The following TMC1 variants were observed in gnomAD, a reference collection of about 807,000 sequenced individuals.
The protein encoded by TMC1 is transmembrane channel-like protein 1.
TMC1 carries 84 observed loss-of-function variants against 105.8 expected under a neutral mutation model. That is an observed-to-expected ratio of 0.79 (90% CI 0.67 to 0.95). TMC1 has a LOEUF of 0.95. Ranked by LOEUF, TMC1 falls within the 40% of genes least tolerant of loss-of-function variation. The pLI, the probability that TMC1 is intolerant of heterozygous loss-of-function variation, is 0.00. For missense variants in TMC1, 817 were observed against 914.1 expected, an observed-to-expected ratio of 0.89 and a Z score of 1.37; for synonymous variants, 315 against 311.5, an observed-to-expected ratio of 1.01 and a Z score of -0.12.
At chr9:72,786,381 T>A (rs1248354201) in intron 13 of TMC1, among the ~76,000 whole-genome samples, 2 of 152,130 alleles carry the variant, frequency 1.3e-5, no homozygotes, top group East Asian at 3.9e-4. Context: ...GAGGCGGAGC[T>A]TGCATTGAGC....
chr9:72,817,716 G>C (rs1473106866), intron 19 of TMC1, among the ~76,000 whole-genome samples: 1 of 152,130 alleles, frequency 6.6e-6, no homozygotes, highest in Non-Finnish European at 1.5e-5. Flanking sequence ...TGGCTGTCCT[G>C]CTTGGTTTCA....
At chr9:72,753,418 C>T (rs1827616782) in intron 11 of TMC1, among the ~76,000 whole-genome samples, 1 of 146,354 alleles carries the variant, frequency 6.8e-6, no homozygotes, top group African/African-American at 2.5e-5. Flanking sequence ...AGCATTTATT[C>T]TTTCCCCCAC....
intron 3 of TMC1, among the ~76,000 whole-genome samples, chr9:72,626,009 G>C (rs542606896): frequency 1.3e-5 from 2 of 152,320 alleles, no homozygotes; most frequent in South Asian, 4.1e-4. Flanking sequence ...CATGTAAGGA[G>C]TGTGGCTACC....
chr9:72,685,821 A>G (rs1826371586), intron 5 of TMC1, among the ~76,000 whole-genome samples: 1 of 152,192 alleles, frequency 6.6e-6, no homozygotes, highest in African/African-American at 2.4e-5. Flanking sequence ...AGTTTCCAAA[A>G]TAATAACCTG....
rs1041506834 is a variant in TMC1, at chr9:72,838,130, C to G, written c.*2157C>G. 9 of 152,180 alleles carry G rather than the reference C, an allele frequency of 5.9e-5. No individual in the cohort carries two copies. The South Asian group carries it at 8.3e-4, about 14-fold the overall frequency. 9.4% of individuals were successfully genotyped at this position (152,180 alleles called of 1,614,324 possible). A position where few individuals can be genotyped will look rare whatever the true frequency, so the allele number is the denominator to read the frequency against. ...TAAATGCTTGCTAATTAAATTGAAT[C>G]AATTTAACTTACAGCAATTGTGTTA... On this transcript the variant is annotated 3_prime_UTR_variant, in exon 24 of 24. Transcript: ENST00000297784.
intron 10 of TMC1, among the ~76,000 whole-genome samples, chr9:72,745,996 C>T (rs1382039509): frequency 2.0e-5 from 3 of 152,146 alleles, no homozygotes; most frequent in African/African-American, 7.2e-5. Context: ...ATTAATCATA[C>T]TTTTGATTGA....
intron 1 of TMC1, among the ~76,000 whole-genome samples, chr9:72,540,227 C>T (rs915590574): frequency 6.6e-6 from 1 of 152,184 alleles, no homozygotes; most frequent in Admixed American, 6.5e-5. Flanking sequence ...ATCCAAAGTA[C>T]AGCACCTTGT....
chr9:72,576,732 C>T (rs1351344370), intron 1 of TMC1, among the ~76,000 whole-genome samples: 1 of 150,968 alleles, frequency 6.6e-6, no homozygotes, highest in Non-Finnish European at 1.5e-5. Context: ...CAACTTCAAG[C>T]GATTCTCCTG....
chr9:72,761,627 C>T (rs886072307), intron 12 of TMC1, among the ~76,000 whole-genome samples: 1 of 152,146 alleles, frequency 6.6e-6, no homozygotes, highest in Non-Finnish European at 1.5e-5. Context: ...AATATATCAT[C>T]CCAGATTATT....
intron 21 of TMC1, 135 bp downstream of exon 21, chr9:72,827,129 T>C: frequency 8.4e-7 from 1 of 1,196,286 alleles, no homozygotes; most frequent in South Asian, 1.2e-5. Context: ...ACTGATTACA[T>C]GGTGGTGAGA....
intron 2 of TMC1, among the ~76,000 whole-genome samples, chr9:72,604,467 T>C (rs1304190477): frequency 6.6e-6 from 1 of 152,228 alleles, no homozygotes; most frequent in African/African-American, 2.4e-5. Context: ...ATCTTCACAT[T>C]TCTACAATCT....
intron 20 of TMC1, among the ~76,000 whole-genome samples, chr9:72,825,359 T>G (rs1027857269): frequency 6.6e-6 from 1 of 152,224 alleles, no homozygotes; most frequent in Non-Finnish European, 1.5e-5. Context: ...CTGAGAATAT[T>G]GTATGATAGC....
intron 8 of TMC1, among the ~76,000 whole-genome samples, chr9:72,715,096 T>C (rs2117923926): frequency 6.6e-6 from 1 of 151,896 alleles, no homozygotes; most frequent in South Asian, 2.1e-4. Context: ...ATTGGCACTG[T>C]CTTCTGGCTT....
chr9:72,576,618 C>CT (rs71357588), intron 1 of TMC1, among the ~76,000 whole-genome samples: 54,351 of 135,068 alleles, frequency 0.4, 12,132 homozygotes, highest in African/African-American at 0.62. Context: ...CTCCCAATTT[C>CT]TTTTTTTTTT....
At chr9:72,653,411 G>A (rs1447416166) in intron 5 of TMC1, among the ~76,000 whole-genome samples, 1 of 152,176 alleles carries the variant, frequency 6.6e-6, no homozygotes, top group East Asian at 1.9e-4. Flanking sequence ...AGTAATGACT[G>A]ATGGACATCA....
At chr9:72,597,742 G>A (rs567524779) in intron 2 of TMC1, among the ~76,000 whole-genome samples, 7 of 152,188 alleles carry the variant, frequency 4.6e-5, no homozygotes, top group South Asian at 2.1e-4. Flanking sequence ...AATAACAACC[G>A]CGTACTAATA....
intron 1 of TMC1, among the ~76,000 whole-genome samples, chr9:72,543,465 A>G (rs1470376104): frequency 1.3e-5 from 2 of 152,190 alleles, no homozygotes; most frequent in Non-Finnish European, 2.9e-5. Context: ...ATTTTCTGCA[A>G]TGCAGCCAGA....
intron 12 of TMC1, among the ~76,000 whole-genome samples, chr9:72,764,797 TGG>T (rs1310944775): frequency 6.6e-6 from 1 of 152,146 alleles, no homozygotes; most frequent in East Asian, 1.9e-4. Flanking sequence ...AGTCAGATGT[TGG>T]GAATACAAAG....
chr9:72,535,055 A>AG lies in TMC1; in HGVS notation c.-428+13142_-428+13143insG, dbSNP rs968455682. On this transcript the variant is annotated intron_variant, in intron 1 of 23. Coordinates refer to ENST00000297784, the MANE Select transcript of TMC1 (RefSeq NM_138691.3). ...ATTCATGGATCTCTTAGAGAGAGAG[A>AG]AAAAAAAAAAGCTAGTTGGGTGTGT... Among the ~76,000 whole-genome samples the AG allele has an allele frequency of 1.5e-4, 7 of 45,526 alleles. No individual in the cohort carries two copies. In the South Asian group the frequency reaches 3.4e-3, roughly 22 times the overall value. 29.9% of individuals were successfully genotyped at this position (45,526 alleles called of 152,430 possible). A position where few individuals can be genotyped will look rare whatever the true frequency, so the allele number is the denominator to read the frequency against.
Sources: allele counts gnomAD v4.1 joint callset (sites outside exome capture counted in the v4.1 genomes callset), GRCh38; gene constraint gnomAD v4.1.1; transcripts MANE v1.5; gene names NCBI Gene and HGNC (gene_info 2026-07-23, HGNC 2026-07-21).